PPP1R9A: variants seen among roughly 807,000 people sequenced by gnomAD.
The protein encoded by PPP1R9A is protein phosphatase 1 regulatory subunit 9A, also known as neurabin-1.
In PPP1R9A, 59 loss-of-function variants were observed where a neutral mutation model predicts 141.9. That is an observed-to-expected ratio of 0.42 (90% CI 0.34 to 0.52). The LOEUF (loss-of-function observed/expected upper bound fraction) is 0.52. Among genes scored for constraint, PPP1R9A ranks in the 20% least tolerant of loss-of-function variants. The pLI is 0.10. For synonymous variants in PPP1R9A, 500 were observed against 569.7 expected, an observed-to-expected ratio of 0.88 and a Z score of 1.74; for missense variants, 1,444 against 1,611.9, an observed-to-expected ratio of 0.90 and a Z score of 1.78.
chr7:94,932,940 TATGATAAA>T (rs1166929697), intron 2 of PPP1R9A, among the ~76,000 whole-genome samples: 5 of 152,036 alleles, frequency 3.3e-5, no homozygotes, highest in Non-Finnish European at 1.5e-5. Context: ...GATGTGACTA[TATGATAAA>T]AAGTCAGGAA....
chr7:95,112,362 C>T (rs935459792), intron 3 of PPP1R9A, among the ~76,000 whole-genome samples: 6 of 152,028 alleles, frequency 3.9e-5, no homozygotes, highest in Non-Finnish European at 7.4e-5. Context: ...CACAATGAGA[C>T]ACCATCTCAC....
intron 2 of PPP1R9A, among the ~76,000 whole-genome samples, chr7:95,050,457 G>T (rs1300606752): frequency 2.6e-5 from 4 of 152,168 alleles, no homozygotes; most frequent in Non-Finnish European, 5.9e-5. Flanking sequence ...GCTGGGCTTG[G>T]TGGCTCACAC....
At chr7:95,110,170 T>C (rs937400052) in intron 2 of PPP1R9A, among the ~76,000 whole-genome samples, 4 of 152,186 alleles carry the variant, frequency 2.6e-5, no homozygotes, top group African/African-American at 9.6e-5. Flanking sequence ...TTTTGGTTTA[T>C]AGGTTACCAT....
At chr7:95,241,560 T>C (rs1359814339) in intron 8 of PPP1R9A, among the ~76,000 whole-genome samples, 2 of 152,258 alleles carry the variant, frequency 1.3e-5, no homozygotes, top group Admixed American at 1.3e-4. Flanking sequence ...GGCAGTTTAA[T>C]GGAAGGTACG....
chr7:94,984,913 A>C (rs1800609400), intron 2 of PPP1R9A, among the ~76,000 whole-genome samples: 1 of 151,734 alleles, frequency 6.6e-6, no homozygotes, highest in Non-Finnish European at 1.5e-5. Flanking sequence ...TAGTTCTTTT[A>C]ATTGTGATGT....
chr7:95,279,053 T>C (rs746323984), intron 16 of PPP1R9A, among the ~76,000 whole-genome samples: 1 of 152,220 alleles, frequency 6.6e-6, no homozygotes, highest in African/African-American at 2.4e-5. Context: ...GCAGGTTTGA[T>C]GGGAAGGATA....
rs537880283 is a variant in PPP1R9A at position 95,200,654 on chromosome 7, T to C, written c.1890+2170T>C. Among the ~76,000 whole-genome samples, 7 of 152,290 alleles carry C rather than the reference T, an allele frequency of 4.6e-5. No homozygotes were observed. In the South Asian group the frequency reaches 1.2e-3, roughly 27 times the overall value. Reference sequence around the variant, plus strand: ...TTTACTTGACATTTATACTTAGGAATGTATCACATCTTAAATGGAAGATTG... The same window carrying C: ...TTTACTTGACATTTATACTTAGGAACGTATCACATCTTAAATGGAAGATTG... On this transcript the variant is annotated intron_variant, in intron 6 of 19. Coordinates refer to ENST00000433360, the MANE Select transcript of PPP1R9A (RefSeq NM_001166160.2).
intron 4 of PPP1R9A, chr7:95,155,006 A>G (rs544743479): frequency 3.3e-5 from 5 of 152,194 alleles, no homozygotes; most frequent in South Asian, 2.1e-4. Context: ...TTATTAATGC[A>G]TGCATGGGGA....
chr7:94,939,312 T>C (rs1289359508), intron 2 of PPP1R9A, among the ~76,000 whole-genome samples: 1 of 152,180 alleles, frequency 6.6e-6, no homozygotes, highest in Non-Finnish European at 1.5e-5. Flanking sequence ...CAGATACCTA[T>C]ATTGTTGATA....
At position 95,079,896 on chromosome 7, in the gene PPP1R9A, A is replaced by G. The variant is rs199701639; in HGVS notation, c.1396-31363A>G. Among the ~76,000 whole-genome samples the G allele has an allele frequency of 2.1e-3, 320 of 152,348 alleles. 3 individuals are homozygous for G. Among genetic ancestry groups the G allele is most frequent in the East Asian group, 0.019 (96 of 5,184 alleles). On this transcript the variant is annotated intron_variant, in intron 2 of 19. Transcript: ENST00000433360. ...CTTTGACAAAATTCAACAACGCTTC[A>G]TGCTAAAAACTCAATAAATTAGGTA...
At chr7:95,094,267 T>C (rs1817726005) in intron 2 of PPP1R9A, among the ~76,000 whole-genome samples, 1 of 152,180 alleles carries the variant, frequency 6.6e-6, no homozygotes, top group African/African-American at 2.4e-5. Flanking sequence ...CTCCAGGTAA[T>C]ATGGAGAAAC....
chr7:95,283,635 C>T (rs1055308375), intron 16 of PPP1R9A, among the ~76,000 whole-genome samples: 1 of 152,174 alleles, frequency 6.6e-6, no homozygotes, highest in Admixed American at 6.5e-5. Flanking sequence ...GGAAAGAATG[C>T]TGCTTATGAG....
At position 94,909,961 on chromosome 7, in the gene PPP1R9A, T is replaced by A; in HGVS notation, c.-153T>A. 1.6e-6 allele frequency: 1 copy of A among 618,462 alleles called. No homozygotes were observed. 38.3% of individuals were successfully genotyped at this position (618,462 alleles called of 1,614,324 possible). On this transcript the variant is annotated 5_prime_UTR_variant, in exon 2 of 20. Transcript: ENST00000433360. ...TAACTCTTGACTGTGACTAAGTTCC[T>A]AATACACCTGTTGGGACGATCACTG...
chr7:95,005,246 T>C (rs1803438911), intron 2 of PPP1R9A, among the ~76,000 whole-genome samples: 1 of 152,134 alleles, frequency 6.6e-6, no homozygotes, highest in Admixed American at 6.5e-5. Context: ...TATGATATAA[T>C]CTATTTTTAG....
At chr7:94,932,544 A>G (rs528778057) in intron 2 of PPP1R9A, among the ~76,000 whole-genome samples, 4 of 152,126 alleles carry the variant, frequency 2.6e-5, no homozygotes, top group Non-Finnish European at 4.4e-5. Context: ...TTAAATTTTT[A>G]CCTATCTTAA....
At chr7:94,999,296 C>T (rs935662941) in intron 2 of PPP1R9A, among the ~76,000 whole-genome samples, 4 of 152,128 alleles carry the variant, frequency 2.6e-5, no homozygotes, top group African/African-American at 9.7e-5. Context: ...CTAAGAGCTA[C>T]AGTTTAATTC....
intron 2 of PPP1R9A, among the ~76,000 whole-genome samples, chr7:94,967,911 A>T (rs1798395510): frequency 6.6e-6 from 1 of 152,168 alleles, no homozygotes; most frequent in African/African-American, 2.4e-5. Flanking sequence ...AGAGTTCTGT[A>T]GATGCCTATT....
chr7:94,925,271 C>A (rs1211352271), intron 2 of PPP1R9A, among the ~76,000 whole-genome samples: 2 of 151,898 alleles, frequency 1.3e-5, no homozygotes, highest in African/African-American at 4.8e-5. Context: ...TCAATGAGGC[C>A]CACCCACATT....
chr7:95,244,235 C>T (rs573364851), intron 8 of PPP1R9A, among the ~76,000 whole-genome samples: 2 of 152,254 alleles, frequency 1.3e-5, no homozygotes, highest in East Asian at 3.9e-4. Flanking sequence ...CAGTTCCCTC[C>T]TGTTATCCAT....
Sources: gnomAD v4.1 joint callset for allele counts (sites outside exome capture counted in the v4.1 genomes callset) on GRCh38, gnomAD v4.1.1 for gene constraint, MANE v1.5 for transcripts, NCBI Gene and HGNC (gene_info 2026-07-23, HGNC 2026-07-21) for gene names.